The following NSUN6 variants were observed in gnomAD, a reference collection of about 807,000 sequenced individuals.
NSUN6 encodes the protein NOP2/Sun RNA methyltransferase 6, also known as tRNA (cytosine(72)-C(5))-methyltransferase NSUN6.
NSUN6 carries 64 observed loss-of-function variants against 58.0 expected under a neutral mutation model. That is an observed-to-expected ratio of 1.10 (90% CI 0.90 to 1.36). NSUN6 has a LOEUF of 1.36. Among genes scored for constraint, NSUN6 ranks in the 40% most tolerant of loss-of-function variants. The pLI is 0.00. For missense variants in NSUN6, 701 were observed against 550.1 expected (o/e 1.27, Z -2.74); for synonymous variants, 231 against 193.9 (o/e 1.19, Z -1.59).
chr10:18,588,829 C>G (rs894339112), intron 7 of NSUN6, among the ~76,000 whole-genome samples: 7 of 152,284 alleles, frequency 4.6e-5, no homozygotes, highest in Non-Finnish European at 8.8e-5. Flanking sequence ...CACAAAAATG[C>G]TGAAAATTCC....
At chr10:18,600,180 G>T (rs936195706) in intron 6 of NSUN6, among the ~76,000 whole-genome samples, 3 of 152,044 alleles carry the variant, frequency 2.0e-5, no homozygotes, top group African/African-American at 7.2e-5. Flanking sequence ...TATTGGCTTG[G>T]GGGGATAACA....
At chr10:18,602,631 A>T (rs1171913145) in intron 6 of NSUN6, among the ~76,000 whole-genome samples, 3 of 152,012 alleles carry the variant, frequency 2.0e-5, no homozygotes, top group African/African-American at 7.3e-5. Flanking sequence ...TGGCCTCCCA[A>T]AGTGCTGGGA....
chr10:18,591,067 C>G (rs1275063240), intron 7 of NSUN6, among the ~76,000 whole-genome samples: 3 of 152,094 alleles, frequency 2.0e-5, no homozygotes, highest in Admixed American at 6.6e-5. Flanking sequence ...CACCACTGAT[C>G]CCAAAGAAAT....
At chr10:18,613,841 C>T (rs1479865715) in intron 5 of NSUN6, among the ~76,000 whole-genome samples, 3 of 152,078 alleles carry the variant, frequency 2.0e-5, no homozygotes, top group African/African-American at 7.2e-5. Context: ...TCTATGTCAG[C>T]CATGAACTTT....
At chr10:18,557,714 T>G (rs900147783) in intron 8 of NSUN6, among the ~76,000 whole-genome samples, 8 of 145,932 alleles carry the variant, frequency 5.5e-5, no homozygotes, top group Non-Finnish European at 9.1e-5. Flanking sequence ...TGAAATGGAA[T>G]GGAGAATGGA....
In NSUN6 at chr10:18,614,480, G is replaced by A. The variant is rs747756272; in HGVS notation, c.555C>T (p.Phe185=). The change falls in exon 5 of 11, where the codon TTC becomes TTT. Residue 185 remains phenylalanine, a synonymous_variant. Transcript: ENST00000377304. ...CATACTTCAGTTCAGGTAATCCACT[G>A]AAGATTTCTTTGCGGCTTAGTTCAG... ...GISELSRKEI[F]SGLPELKGMG... The A allele has an allele frequency of 6.4e-7, 1 of 1,550,770 alleles. No individual in the cohort carries two copies. The highest frequency in any genetic ancestry group is 8.7e-7 in the Non-Finnish European group (1 of 1,152,856).
upstream of NSUN6, chr10:18,652,899 T>G (rs918181076): frequency 2.0e-6 from 2 of 985,194 alleles, no homozygotes; most frequent in Admixed American, 6.1e-5. Context: ...GTTCCTAGGG[T>G]TGAAACAACT....
intron 6 of NSUN6, among the ~76,000 whole-genome samples, chr10:18,608,368 G>C (rs1284249815): frequency 6.6e-6 from 1 of 152,130 alleles, no homozygotes; most frequent in Non-Finnish European, 1.5e-5. Context: ...AGGCATGGTG[G>C]CTTATGCCTG....
At chr10:18,624,883 C>T (rs1238289724) in intron 3 of NSUN6, among the ~76,000 whole-genome samples, 1 of 152,130 alleles carries the variant, frequency 6.6e-6, no homozygotes, top group Non-Finnish European at 1.5e-5. Flanking sequence ...TTCCTAAACT[C>T]TGTACAAGCA....
chr10:18,652,569 C>CTTTTT (rs532727978), upstream of NSUN6: 39 of 898,276 alleles, frequency 4.3e-5, no homozygotes, highest in South Asian at 5.2e-5. Flanking sequence ...TTTCTCTGCT[C>CTTTTT]TTTTTTTTTT....
intron 3 of NSUN6, among the ~76,000 whole-genome samples, chr10:18,616,587 G>GA (rs1269563547): frequency 6.6e-6 from 1 of 152,120 alleles, no homozygotes; most frequent in African/African-American, 2.4e-5. Flanking sequence ...AGCATTAGGA[G>GA]AAAAATAGAC....
chr10:18,622,196 G>A (rs2058632838), intron 3 of NSUN6, among the ~76,000 whole-genome samples: 2 of 152,086 alleles, frequency 1.3e-5, no homozygotes, highest in South Asian at 4.2e-4. Context: ...TTAGTTATGA[G>A]GGTAGAATGC....
chr10:18,616,917 A>T (rs1471947127), intron 3 of NSUN6, among the ~76,000 whole-genome samples: 1 of 152,122 alleles, frequency 6.6e-6, no homozygotes, highest in African/African-American at 2.4e-5. Context: ...GTCACAACTC[A>T]CTGCTGGGGG....
At chr10:18,551,365 T>C (rs964462280) in intron 9 of NSUN6, among the ~76,000 whole-genome samples, 5 of 151,492 alleles carry the variant, frequency 3.3e-5, no homozygotes, top group South Asian at 2.1e-4. Context: ...TACAGTCACA[T>C]TGCTGGGCAA....
chr10:18,619,838 T>C (rs745737892), intron 3 of NSUN6, among the ~76,000 whole-genome samples: 4 of 152,216 alleles, frequency 2.6e-5, no homozygotes, highest in Non-Finnish European at 4.4e-5. Context: ...AGTTTTTATA[T>C]CATTTGAGAT....
chr10:18,635,859 T>A (rs1371027792), intron 3 of NSUN6, among the ~76,000 whole-genome samples: 71 of 148,406 alleles, frequency 4.8e-4, no homozygotes, highest in South Asian at 1.7e-3. Context: ...TCGTTTTTTT[T>A]AAAAAAAAAA....
At chr10:18,630,685 T>G (rs950996317) in intron 3 of NSUN6, among the ~76,000 whole-genome samples, 1 of 152,050 alleles carries the variant, frequency 6.6e-6, no homozygotes, top group African/African-American at 2.4e-5. Context: ...AACACATACA[T>G]TATCCCAAGA....
intron 10 of NSUN6, among the ~76,000 whole-genome samples, chr10:18,547,185 A>T (rs931278767): frequency 6.6e-6 from 1 of 152,210 alleles, no homozygotes; most frequent in Non-Finnish European, 1.5e-5. Flanking sequence ...CTACTGAAGA[A>T]GATCTATAAT....
At chr10:18,554,507 A>C (rs557978048) in intron 8 of NSUN6, among the ~76,000 whole-genome samples, 1 of 151,596 alleles carries the variant, frequency 6.6e-6, no homozygotes, top group South Asian at 2.1e-4. Flanking sequence ...ATGGAATGGA[A>C]TCAATCGGAA....
Sources: gnomAD v4.1 joint callset for allele counts (sites outside exome capture counted in the v4.1 genomes callset) on GRCh38, gnomAD v4.1.1 for gene constraint, MANE v1.5 for transcripts, NCBI Gene and HGNC (gene_info 2026-07-23, HGNC 2026-07-21) for gene names.